Variants in THRB observed in about 807,000 individuals in gnomAD.
THRB encodes thyroid hormone receptor beta, also known as nuclear receptor subfamily 1 group A member 2.
Under a neutral mutation model 47.8 loss-of-function variants are expected in THRB, and 12 were observed. The ratio of observed to expected loss-of-function variants is 0.25; its 90% confidence interval spans 0.16 to 0.41. The LOEUF (loss-of-function observed/expected upper bound fraction) is 0.41, where lower values mean the gene tolerates loss of function less well. Among genes scored for constraint, THRB ranks in the 10% least tolerant of loss-of-function variants. The pLI, the probability that THRB is intolerant of heterozygous loss-of-function variation, is 1.00. For synonymous variants in THRB, 218 were observed against 212.2 expected (o/e 1.03, Z -0.24); for missense variants, 348 against 589.2 (o/e 0.59, Z 4.24).
chr3:24,132,185 AG>A (rs1284383677), intron 9 of THRB, among the ~76,000 whole-genome samples: 2 of 152,202 alleles, frequency 1.3e-5, no homozygotes, highest in Non-Finnish European at 2.9e-5. Flanking sequence ...AGGTGAGACC[AG>A]GATCACTTAT....
intron 1 of THRB, among the ~76,000 whole-genome samples, chr3:24,493,859 C>T (rs1200359646): frequency 6.6e-6 from 1 of 152,204 alleles, no homozygotes; most frequent in East Asian, 1.9e-4. Flanking sequence ...AATCCTCCCC[C>T]AAAGTGACAA....
intron 2 of THRB, among the ~76,000 whole-genome samples, chr3:24,312,398 G>C (rs1020576832): frequency 2.6e-5 from 4 of 152,092 alleles, no homozygotes; most frequent in Non-Finnish European, 4.4e-5. Flanking sequence ...AATACTAACT[G>C]TACTTCCTCA....
chr3:24,320,934 T>C (rs80022202), intron 2 of THRB, among the ~76,000 whole-genome samples: 3 of 152,258 alleles, frequency 2.0e-5, no homozygotes, highest in African/African-American at 7.2e-5. Flanking sequence ...GCAAAGAAGA[T>C]GACAGAAAGA....
At chr3:24,436,772 C>T (rs1456991510) in intron 1 of THRB, among the ~76,000 whole-genome samples, 2 of 152,140 alleles carry the variant, frequency 1.3e-5, no homozygotes, top group African/African-American at 4.8e-5. Flanking sequence ...CTTCGAAATG[C>T]TCTGAGCACT....
At chr3:24,259,405 C>CA (rs1290130965) in intron 3 of THRB, among the ~76,000 whole-genome samples, 7 of 152,148 alleles carry the variant, frequency 4.6e-5, no homozygotes, top group African/African-American at 1.4e-4. Context: ...TATTAGTGCT[C>CA]AGACACAAAG....
intron 3 of THRB, among the ~76,000 whole-genome samples, chr3:24,268,727 C>A (rs2052919977): frequency 6.6e-6 from 1 of 152,130 alleles, no homozygotes; most frequent in African/African-American, 2.4e-5. Flanking sequence ...AAAGAATGTT[C>A]TTCAAATGTT....
At chr3:24,166,283 T>TA (rs2039634847) in intron 5 of THRB, among the ~76,000 whole-genome samples, 1 of 152,214 alleles carries the variant, frequency 6.6e-6, no homozygotes, top group Non-Finnish European at 1.5e-5. Flanking sequence ...AATGCCCCTA[T>TA]ATGAGGAATA....
At chr3:24,466,823 G>A (rs1045272841) in intron 1 of THRB, among the ~76,000 whole-genome samples, 6 of 152,166 alleles carry the variant, frequency 3.9e-5, no homozygotes, top group Admixed American at 6.5e-5. Context: ...CAGGTGAAGC[G>A]TCTTGTCTTG....
At chr3:24,310,078 AGC>A (rs58048770) in intron 2 of THRB, among the ~76,000 whole-genome samples, 12,654 of 152,180 alleles carry the variant, frequency 0.083, 528 homozygotes, top group African/African-American at 0.11. Flanking sequence ...TCACATTGGA[AGC>A]TCCATGTCAC....
intron 1 of THRB, among the ~76,000 whole-genome samples, chr3:24,356,126 A>G (rs938898050): frequency 7.2e-5 from 11 of 152,232 alleles, no homozygotes; most frequent in African/African-American, 2.6e-4. Flanking sequence ...CAGAACTAGG[A>G]AAAAAGGAGA....
At chr3:24,355,495 T>C (rs557017310) in intron 1 of THRB, among the ~76,000 whole-genome samples, 1 of 152,302 alleles carries the variant, frequency 6.6e-6, no homozygotes, top group South Asian at 2.1e-4. Context: ...TATGTATCAA[T>C]GTTGAATTTC....
intron 3 of THRB, among the ~76,000 whole-genome samples, chr3:24,235,345 A>C (rs1207028705): frequency 6.6e-6 from 1 of 152,062 alleles, no homozygotes; most frequent in Non-Finnish European, 1.5e-5. Flanking sequence ...CCTCATGAAA[A>C]ATCTTTCCAC....
intron 1 of THRB, among the ~76,000 whole-genome samples, chr3:24,374,179 T>C (rs768954124): frequency 3.3e-5 from 5 of 152,160 alleles, no homozygotes; most frequent in Non-Finnish European, 7.4e-5. Flanking sequence ...ACAGGGAATG[T>C]ACTGAGCCAA....
intron 3 of THRB, among the ~76,000 whole-genome samples, chr3:24,261,872 A>G (rs2150506947): frequency 6.6e-6 from 1 of 152,314 alleles, no homozygotes; most frequent in Middle Eastern, 3.4e-3. Flanking sequence ...AATCCTTTTC[A>G]GACTTTTCTG....
chr3:24,122,696 G>A lies in THRB; in HGVS notation c.*188C>T, dbSNP rs889687612. 110 of 737,120 alleles carry A rather than the reference G, an allele frequency of 1.5e-4. No individual in the cohort carries two copies. Among genetic ancestry groups the A allele is most frequent in the African/African-American group, 5.3e-5 (3 of 56,822 alleles). The allele number at this position is 737,120 out of a possible 1,614,324, so 45.7% of individuals were successfully genotyped here. Reference sequence around the variant, plus strand: ...CATTCACATCACAGGACCGGAGAACGAAATGCAATAGTTTCAAGTACCCGC... The same window carrying A: ...CATTCACATCACAGGACCGGAGAACAAAATGCAATAGTTTCAAGTACCCGC... On this transcript the variant is annotated 3_prime_UTR_variant, in exon 11 of 11. Coordinates refer to ENST00000646209, the MANE Select transcript of THRB (RefSeq NM_001354712.2).
intron 3 of THRB, among the ~76,000 whole-genome samples, chr3:24,246,289 A>C (rs1372874403): frequency 6.6e-6 from 1 of 152,190 alleles, no homozygotes; most frequent in African/African-American, 2.4e-5. Context: ...TTACACACCA[A>C]GAGAAGAGCT....
intron 3 of THRB, among the ~76,000 whole-genome samples, chr3:24,293,780 G>A (rs2056185470): frequency 6.6e-6 from 1 of 152,178 alleles, no homozygotes; most frequent in Non-Finnish European, 1.5e-5. Flanking sequence ...TGTGATCAGT[G>A]CGGCAAAGCA....
intron 8 of THRB, among the ~76,000 whole-genome samples, chr3:24,140,581 A>AT (rs1401052344): frequency 6.6e-6 from 1 of 151,852 alleles, no homozygotes; most frequent in African/African-American, 2.4e-5. Context: ...TATTATTCTT[A>AT]TTTTTTAATA....
chr3:24,199,109 G>C (rs914389420), intron 4 of THRB, among the ~76,000 whole-genome samples: 1 of 152,136 alleles, frequency 6.6e-6, no homozygotes, highest in Non-Finnish European at 1.5e-5. Flanking sequence ...GATAGCATCC[G>C]AAAGTACTTT....
Sources: allele counts gnomAD v4.1 joint callset (sites outside exome capture counted in the v4.1 genomes callset), GRCh38; gene constraint gnomAD v4.1.1; transcripts MANE v1.5; gene names NCBI Gene and HGNC (gene_info 2026-07-23, HGNC 2026-07-21).